RBFOX1: variants seen among roughly 807,000 people sequenced by gnomAD.
RBFOX1 encodes RNA binding protein fox-1 homolog 1.
RBFOX1 carries 8 observed loss-of-function variants against 57.7 expected under a neutral mutation model. That is an observed-to-expected ratio of 0.14 (90% CI 0.08 to 0.25). The LOEUF is 0.25. Ranked by LOEUF, RBFOX1 falls within the 10% of genes least tolerant of loss-of-function variation. The probability of loss-of-function intolerance (pLI) is 1.00; values close to 1 mark genes in which losing one functional copy is unlikely to be tolerated. For synonymous variants in RBFOX1, 326 were observed against 222.4 expected (o/e 1.47, Z -4.15); for missense variants, 611 against 548.5 (o/e 1.11, Z -1.14).
chr16:6,997,253 T>C (rs2092339169), intron 3 of RBFOX1, among the ~76,000 whole-genome samples: 1 of 152,060 alleles, frequency 6.6e-6, no homozygotes, highest in Non-Finnish European at 1.5e-5. Flanking sequence ...GTGATTTGAC[T>C]CAACTTCTCC....
intron 4 of RBFOX1, among the ~76,000 whole-genome samples, chr16:7,217,009 T>TCCCC (rs2092166155): frequency 3.6e-4 from 6 of 16,818 alleles, no homozygotes; most frequent in African/African-American, 4.9e-4. Flanking sequence ...CCTCCCTCCC[T>TCCCC]TCCCTCCCTC....
chr16:7,348,046 T>G (rs1473976832), intron 4 of RBFOX1, among the ~76,000 whole-genome samples: 1 of 152,242 alleles, frequency 6.6e-6, no homozygotes, highest in Non-Finnish European at 1.5e-5. Flanking sequence ...GCTCGTTGCC[T>G]CCTTTGACTT....
intron 2 of RBFOX1, among the ~76,000 whole-genome samples, chr16:6,383,332 G>A (rs1046878550): frequency 6.6e-6 from 1 of 152,168 alleles, no homozygotes; most frequent in Admixed American, 6.5e-5. Context: ...ACCTATGCAG[G>A]ATGCCATGTG....
intron 3 of RBFOX1, among the ~76,000 whole-genome samples, chr16:6,765,152 A>G (rs1185597953): frequency 6.6e-6 from 1 of 152,104 alleles, no homozygotes; most frequent in Non-Finnish European, 1.5e-5. Context: ...ATCTGTGAAC[A>G]GTTTACCTTG....
intron 3 of RBFOX1, among the ~76,000 whole-genome samples, chr16:5,718,349 C>T (rs2051796326): frequency 6.6e-6 from 1 of 152,224 alleles, no homozygotes; most frequent in Non-Finnish European, 1.5e-5. Context: ...CAGCCTAAGT[C>T]ATCCAATCTC....
chr16:5,306,551 A>T (rs961423797), intron 1 of RBFOX1, among the ~76,000 whole-genome samples: 1 of 152,080 alleles, frequency 6.6e-6, no homozygotes, highest in Non-Finnish European at 1.5e-5. Flanking sequence ...CAAGTGACCC[A>T]CCTGCCTTGG....
chr16:5,932,037 C>T (rs560404202), intron 4 of RBFOX1, among the ~76,000 whole-genome samples: 1 of 152,136 alleles, frequency 6.6e-6, no homozygotes, highest in Non-Finnish European at 1.5e-5. Context: ...CTCTTGGACT[C>T]AAGCAGTCCT....
intron 3 of RBFOX1, among the ~76,000 whole-genome samples, chr16:6,913,125 G>A (rs1260047822): frequency 6.6e-6 from 1 of 152,000 alleles, no homozygotes; most frequent in Non-Finnish European, 1.5e-5. Context: ...GCCGCTGGGA[G>A]GCTGAAGAAG....
intron 4 of RBFOX1, among the ~76,000 whole-genome samples, chr16:7,181,538 C>G (rs994750059): frequency 1.4e-5 from 2 of 140,884 alleles, no homozygotes; most frequent in East Asian, 3.9e-4. Context: ...CCCTTGCTCT[C>G]TCTCTCTTTC....
intron 1 of RBFOX1, among the ~76,000 whole-genome samples, chr16:5,457,241 C>T (rs944978364): frequency 1.3e-5 from 2 of 152,196 alleles, no homozygotes; most frequent in South Asian, 2.1e-4. Flanking sequence ...GGTTCAAGAT[C>T]CTCCTGCCTC....
At chr16:6,579,887 T>C (rs2097509173) in intron 2 of RBFOX1, among the ~76,000 whole-genome samples, 1 of 152,064 alleles carries the variant, frequency 6.6e-6, no homozygotes, top group Admixed American at 6.5e-5. Context: ...CCGCCAGCCT[T>C]CAGTCCTTTT....
At chr16:6,603,842 T>C (rs2154013248) in intron 2 of RBFOX1, among the ~76,000 whole-genome samples, 2 of 152,292 alleles carry the variant, frequency 1.3e-5, no homozygotes, top group South Asian at 4.1e-4. Flanking sequence ...TAGACAGTTG[T>C]CCATGTGACC....
At chr16:5,742,158 G>C (rs2052790257) in intron 3 of RBFOX1, among the ~76,000 whole-genome samples, 1 of 152,142 alleles carries the variant, frequency 6.6e-6, no homozygotes, top group Admixed American at 6.5e-5. Flanking sequence ...TTTGGTTCAA[G>C]ATGGGAAATT....
intron 5 of RBFOX1, among the ~76,000 whole-genome samples, chr16:7,524,238 CA>C (rs2078169168): frequency 6.6e-6 from 1 of 152,188 alleles, no homozygotes. Context: ...TGATTTAACA[CA>C]AAGTGCAGAA....
intron 3 of RBFOX1, among the ~76,000 whole-genome samples, chr16:5,717,189 A>G (rs1031536254): frequency 6.6e-6 from 1 of 152,110 alleles, no homozygotes; most frequent in East Asian, 1.9e-4. Flanking sequence ...GTGTTATAAT[A>G]ATTTATAATC....
intron 3 of RBFOX1, among the ~76,000 whole-genome samples, chr16:6,814,722 G>C (rs2089650376): frequency 1.3e-5 from 2 of 152,098 alleles, no homozygotes; most frequent in South Asian, 4.1e-4. Context: ...AGGAAGTGAA[G>C]TGAAAAGTCC....
intron 3 of RBFOX1, chr16:6,704,101 C>G (rs1432010680): frequency 2.0e-5 from 3 of 152,240 alleles, no homozygotes; most frequent in South Asian, 2.1e-4. Context: ...ACTATCCTTG[C>G]TCTTCTAATT....
intron 2 of RBFOX1, among the ~76,000 whole-genome samples, chr16:5,581,790 C>T (rs574394862): frequency 6.6e-5 from 10 of 151,956 alleles, no homozygotes; most frequent in Admixed American, 6.6e-5. Context: ...GAGGGAGGAG[C>T]GAGTGGGAGG....
intron 4 of RBFOX1, chr16:7,333,105 G>T (rs1171046601): frequency 1.2e-6 from 2 of 1,608,396 alleles, no homozygotes; most frequent in Admixed American, 1.7e-5. Flanking sequence ...CAAGGCCTCT[G>T]CCAGCCAGCA....
Sources: gnomAD v4.1 joint callset for allele counts (sites outside exome capture counted in the v4.1 genomes callset) on GRCh38, gnomAD v4.1.1 for gene constraint, MANE v1.5 for transcripts, NCBI Gene and HGNC (gene_info 2026-07-23, HGNC 2026-07-21) for gene names.